Variants in ADGRB3 observed in about 807,000 individuals in gnomAD.
ADGRB3 encodes the protein brain-specific angiogenesis inhibitor 3.
In ADGRB3, 37 loss-of-function variants were observed where a neutral mutation model predicts 193.4. That is an observed-to-expected ratio of 0.19 (90% CI 0.15 to 0.25). The LOEUF is 0.25. ADGRB3 is among the 10% of genes least tolerant of loss of function. The pLI is 1.00. For missense variants in ADGRB3, 1,637 were observed against 1,852.9 expected, an observed-to-expected ratio of 0.88 and a Z score of 2.14; for synonymous variants, 690 against 644.2, an observed-to-expected ratio of 1.07 and a Z score of -1.08.
intron 3 of ADGRB3, among the ~76,000 whole-genome samples, chr6:68,859,162 G>T (rs1765076855): frequency 6.6e-6 from 1 of 152,138 alleles, no homozygotes; most frequent in Non-Finnish European, 1.5e-5. Flanking sequence ...GCAATATGCT[G>T]CCAGTCTCTT....
At chr6:68,783,322 T>A (rs1038143077) in intron 3 of ADGRB3, among the ~76,000 whole-genome samples, 8 of 146,530 alleles carry the variant, frequency 5.5e-5, no homozygotes, top group Non-Finnish European at 1.0e-4. Context: ...TACATATATA[T>A]AATATATATA....
At chr6:69,249,229 G>A (rs944593903) in intron 20 of ADGRB3, among the ~76,000 whole-genome samples, 1 of 152,082 alleles carries the variant, frequency 6.6e-6, no homozygotes, top group Admixed American at 6.5e-5. Flanking sequence ...GCCTGCCTTG[G>A]CGTCCCAAAG....
intron 13 of ADGRB3, among the ~76,000 whole-genome samples, chr6:69,031,788 C>T (rs531367940): frequency 6.6e-6 from 1 of 151,782 alleles, no homozygotes; most frequent in African/African-American, 2.4e-5. Flanking sequence ...TCATGCGCCA[C>T]CACGCCAGGC....
At chr6:69,217,351 A>G (rs1765790806) in intron 17 of ADGRB3, among the ~76,000 whole-genome samples, 1 of 152,200 alleles carries the variant, frequency 6.6e-6, no homozygotes, top group East Asian at 1.9e-4. Context: ...CCTCTAAGAT[A>G]AATCTGTATA....
chr6:69,345,694 CTAGA>C (rs1243124242), intron 26 of ADGRB3, among the ~76,000 whole-genome samples: 1 of 152,068 alleles, frequency 6.6e-6, no homozygotes, highest in Non-Finnish European at 1.5e-5. Flanking sequence ...AAAACTGGCA[CTAGA>C]TAAAGATGCC....
At chr6:69,057,147 T>G (rs1771568077) in intron 15 of ADGRB3, among the ~76,000 whole-genome samples, 1 of 152,124 alleles carries the variant, frequency 6.6e-6, no homozygotes, top group South Asian at 2.1e-4. Context: ...TTATTTATTT[T>G]GATGCTTTTT....
chr6:69,172,643 C>CAAAAAAAAAAAA (rs70987454), intron 17 of ADGRB3, among the ~76,000 whole-genome samples: 6 of 26,832 alleles, frequency 2.2e-4, no homozygotes, highest in African/African-American at 3.2e-4. Flanking sequence ...GACTCTGTCT[C>CAAAAAAAAAAAA]AAAAAAAAAA....
intron 15 of ADGRB3, among the ~76,000 whole-genome samples, chr6:69,050,994 AG>A (rs1771376954): frequency 6.6e-6 from 1 of 152,206 alleles, no homozygotes; most frequent in South Asian, 2.1e-4. Context: ...ACACAAATGA[AG>A]TCAGGTTATT....
At chr6:68,950,147 TG>T (rs1239574020) in intron 6 of ADGRB3, among the ~76,000 whole-genome samples, 16 of 152,024 alleles carry the variant, frequency 1.1e-4, no homozygotes, top group African/African-American at 3.9e-4. Context: ...CTGGGAATCC[TG>T]GGCTCAAGCA....
chr6:69,353,367 GT>G (rs1385185506), intron 26 of ADGRB3, among the ~76,000 whole-genome samples: 32 of 152,176 alleles, frequency 2.1e-4, no homozygotes, highest in Non-Finnish European at 1.5e-5. Context: ...AAGTAGTGCT[GT>G]TTTGTTTCCC....
chr6:68,751,001 C>T (rs73745847), intron 3 of ADGRB3, among the ~76,000 whole-genome samples: 5,341 of 152,156 alleles, frequency 0.035, 291 homozygotes, highest in African/African-American at 0.12. Context: ...TTCTGGGCTT[C>T]GTCTTCTATC....
intron 6 of ADGRB3, among the ~76,000 whole-genome samples, chr6:68,952,778 T>C (rs1307649051): frequency 6.7e-6 from 1 of 148,628 alleles, no homozygotes; most frequent in Non-Finnish European, 1.5e-5. Flanking sequence ...ATTTTCTCTG[T>C]TACTGACTTT....
rs571764255 is a variant in ADGRB3, at chr6:69,267,799, G to A, written c.2814+28573G>A. Reference sequence around the variant, plus strand: ...GCCAAGTGAAGAAGGCAGGTATTCAGAGGAGTAAGAGACTTATGATATTGA... The same window carrying A: ...GCCAAGTGAAGAAGGCAGGTATTCAAAGGAGTAAGAGACTTATGATATTGA... On this transcript the variant is annotated intron_variant, in intron 20 of 31. Transcript: ENST00000370598. 1.2e-4 allele frequency among the ~76,000 whole-genome samples: 18 copies of A among 152,240 alleles called. No individual in the cohort carries two copies. In the South Asian group the frequency reaches 3.5e-3, roughly 30 times the overall value.
chr6:69,004,884 G>A (rs1032085516), intron 11 of ADGRB3, among the ~76,000 whole-genome samples: 3 of 152,128 alleles, frequency 2.0e-5, no homozygotes, highest in African/African-American at 7.2e-5. Context: ...GAAGGGGTCT[G>A]TGTCAGTCAT....
intron 8 of ADGRB3, among the ~76,000 whole-genome samples, chr6:68,973,226 A>G (rs779337976): frequency 6.9e-6 from 1 of 143,966 alleles, no homozygotes; most frequent in Non-Finnish European, 1.6e-5. Context: ...TCCTGCTGAC[A>G]CCTCCACCAG....
At chr6:68,999,303 C>T (rs1478275124) in intron 11 of ADGRB3, among the ~76,000 whole-genome samples, 7 of 145,556 alleles carry the variant, frequency 4.8e-5, no homozygotes, top group African/African-American at 1.3e-4. Flanking sequence ...CTCGCACTGT[C>T]GCCCAGGCTG....
chr6:69,188,918 T>C (rs925538688), intron 17 of ADGRB3, among the ~76,000 whole-genome samples: 2 of 152,174 alleles, frequency 1.3e-5, no homozygotes, highest in Non-Finnish European at 2.9e-5. Context: ...TATATGTATC[T>C]GCAGTAAAAT....
At chr6:68,760,543 T>C (rs976642839) in intron 3 of ADGRB3, among the ~76,000 whole-genome samples, 32 of 152,170 alleles carry the variant, frequency 2.1e-4, no homozygotes, top group African/African-American at 7.7e-4. Context: ...TCACAGAAGC[T>C]ATGAAAACAA....
In ADGRB3 at chr6:69,062,828, T is replaced by C. The variant is rs528677277; in HGVS notation, c.2334-106T>C. 164 of 719,188 alleles carry C rather than the reference T, an allele frequency of 2.3e-4. No individual in the cohort carries two copies. The East Asian group carries it at 4.4e-3, about 19-fold the overall frequency. The allele number at this position is 719,188 out of a possible 1,614,324, so 44.6% of individuals were successfully genotyped here. On this transcript the variant is annotated intron_variant, in intron 15 of 31. Transcript: ENST00000370598. The stretch of plus-strand genomic sequence containing the variant: ...TGAATAATACTACGATTTATGTTTT[T>C]GCTTTGGATGCATTTATTTGAAACC...
Sources: gnomAD v4.1 joint callset for allele counts (sites outside exome capture counted in the v4.1 genomes callset) on GRCh38, gnomAD v4.1.1 for gene constraint, MANE v1.5 for transcripts, NCBI Gene and HGNC (gene_info 2026-07-23, HGNC 2026-07-21) for gene names.